The following BMPR2 variants were observed in gnomAD, a reference collection of about 807,000 sequenced individuals.
The protein encoded by BMPR2 is bone morphogenetic protein receptor type-2.
In BMPR2, 29 loss-of-function variants were observed where a neutral mutation model predicts 100.8. The observed-to-expected ratio is 0.29, with a 90% confidence interval of 0.21 to 0.39. The LOEUF (loss-of-function observed/expected upper bound fraction) is 0.39. BMPR2 is among the 10% of genes least tolerant of loss of function. The pLI is 1.00. For synonymous variants in BMPR2, 382 were observed against 442.3 expected, an observed-to-expected ratio of 0.86 and a Z score of 1.71; for missense variants, 1,011 against 1,274.5, an observed-to-expected ratio of 0.79 and a Z score of 3.15.
At chr2:202,466,693 C>A (rs1373363782) in intron 2 of BMPR2, among the ~76,000 whole-genome samples, 1 of 151,206 alleles carries the variant, frequency 6.6e-6, no homozygotes, top group African/African-American at 2.5e-5. Context: ...CTCACTGCAA[C>A]CTTGACCTCC....
At chr2:202,380,965 CT>C (rs1159400445) in intron 1 of BMPR2, among the ~76,000 whole-genome samples, 302 of 70,766 alleles carry the variant, frequency 4.3e-3, no homozygotes, top group African/African-American at 0.013. Flanking sequence ...TTCTTTCTTT[CT>C]TTTTTTTTTT....
intron 3 of BMPR2, among the ~76,000 whole-genome samples, chr2:202,479,065 T>C (rs754220606): frequency 3.3e-5 from 5 of 152,254 alleles, no homozygotes; most frequent in African/African-American, 4.8e-5. Flanking sequence ...GAATGTGAGC[T>C]AGACTTAATA....
intron 11 of BMPR2, among the ~76,000 whole-genome samples, chr2:202,554,312 A>C (rs1297777664): frequency 6.6e-6 from 1 of 151,362 alleles, no homozygotes; most frequent in African/African-American, 2.5e-5. Flanking sequence ...AATGGTAAGA[A>C]AAAAAAACCT....
rs905573563 is a variant in BMPR2, at chr2:202,503,620, G to A, written c.419-10099G>A. The stretch of plus-strand genomic sequence containing the variant: ...GCTGCCTTCCCACAGGGCAGGGCTC[G>A]GGACCTGCAGCCCGCCATGCCTGAG... On this transcript the variant is annotated intron_variant, in intron 3 of 12. Coordinates refer to ENST00000374580, the MANE Select transcript of BMPR2 (RefSeq NM_001204.7). The surrounding 1 kb of genome is among the most constrained non-coding windows in gnomAD (Gnocchi z 4.0). Among the ~76,000 whole-genome samples, 8 of 152,222 alleles carry A rather than the reference G, an allele frequency of 5.3e-5. No individual in the cohort carries two copies. Among genetic ancestry groups the A allele is most frequent in the Admixed American group, 6.5e-5 (1 of 15,286 alleles).
chr2:202,435,102 G>A (rs959572309), intron 1 of BMPR2, among the ~76,000 whole-genome samples: 2 of 145,284 alleles, frequency 1.4e-5, no homozygotes, highest in Admixed American at 6.8e-5. Flanking sequence ...GTTCCTGCCT[G>A]TAATCACAGC....
At chr2:202,428,872 A>G (rs1178323244) in intron 1 of BMPR2, among the ~76,000 whole-genome samples, 2 of 152,082 alleles carry the variant, frequency 1.3e-5, no homozygotes, top group East Asian at 1.9e-4. Context: ...CATATATCTA[A>G]CTGTAAGCCT....
At chr2:202,414,514 C>T (rs1691083230) in intron 1 of BMPR2, among the ~76,000 whole-genome samples, 1 of 152,212 alleles carries the variant, frequency 6.6e-6, no homozygotes, top group African/African-American at 2.4e-5. Context: ...AAAGCCAAGA[C>T]AGGCTGAAAG....
At chr2:202,547,585 C>T (rs1174274512) in intron 10 of BMPR2, among the ~76,000 whole-genome samples, 1 of 151,420 alleles carries the variant, frequency 6.6e-6, no homozygotes, top group Non-Finnish European at 1.5e-5. Flanking sequence ...GAGTTCGAGA[C>T]CAGCCTGGCC....
chr2:202,440,483 C>G (rs903579931), intron 1 of BMPR2, among the ~76,000 whole-genome samples: 13 of 148,348 alleles, frequency 8.8e-5, no homozygotes, highest in Non-Finnish European at 1.8e-4. Flanking sequence ...ACTTCCCAGA[C>G]TGGGCGGCCA....
At chr2:202,381,511 C>A (rs1416199170) in intron 1 of BMPR2, among the ~76,000 whole-genome samples, 2 of 152,188 alleles carry the variant, frequency 1.3e-5, no homozygotes, top group Admixed American at 6.6e-5. Flanking sequence ...CTCCTAACAT[C>A]CCATTGGCTG....
chr2:202,469,477 TTTTA>T (rs1305567881), intron 3 of BMPR2: 9 of 310,768 alleles, frequency 2.9e-5, no homozygotes, highest in Admixed American at 7.0e-5. Flanking sequence ...TTTATTTTTA[TTTTA>T]TTTATTTATT....
At chr2:202,543,319 G>A (rs909027031) in intron 10 of BMPR2, among the ~76,000 whole-genome samples, 23 of 143,062 alleles carry the variant, frequency 1.6e-4, no homozygotes, top group African/African-American at 5.2e-4. Context: ...TGCCATTTGA[G>A]TAAGTTGTTG....
intron 3 of BMPR2, among the ~76,000 whole-genome samples, chr2:202,499,118 G>T (rs904260564): frequency 6.6e-6 from 1 of 152,140 alleles, no homozygotes; most frequent in Admixed American, 6.6e-5. Flanking sequence ...AGGGGAATTT[G>T]GCCCAACCTG....
chr2:202,421,397 A>T (rs959705096), intron 1 of BMPR2, among the ~76,000 whole-genome samples: 5 of 151,672 alleles, frequency 3.3e-5, no homozygotes, highest in African/African-American at 1.2e-4. Context: ...CTTCTCCAGA[A>T]ATTTAACTTT....
intron 1 of BMPR2, among the ~76,000 whole-genome samples, chr2:202,452,543 G>C (rs1001563818): frequency 2.6e-5 from 4 of 152,138 alleles, no homozygotes; most frequent in Admixed American, 2.0e-4. Context: ...CAACTATCCA[G>C]AGACCAAGGC....
intron 1 of BMPR2, among the ~76,000 whole-genome samples, chr2:202,379,393 T>C (rs1446435604): frequency 1.3e-5 from 2 of 152,218 alleles, no homozygotes; most frequent in African/African-American, 2.4e-5. Context: ...GCCAGGATTA[T>C]AGTGTGCGCC....
chr2:202,497,306 C>T (rs1416170497), intron 3 of BMPR2, among the ~76,000 whole-genome samples: 3 of 152,218 alleles, frequency 2.0e-5, no homozygotes, highest in Non-Finnish European at 4.4e-5. Flanking sequence ...GTGAGAGCAT[C>T]ACCTATCCGC....
chr2:202,530,597 A>AT (rs1688003321), intron 7 of BMPR2, among the ~76,000 whole-genome samples, 197 bp from the exon 8 acceptor site: 1 of 152,234 alleles, frequency 6.6e-6, no homozygotes, highest in Non-Finnish European at 1.5e-5. Flanking sequence ...ATGTTTAACT[A>AT]TACATGCAAC....
At chr2:202,377,576 C>G (rs772083943) in intron 1 of BMPR2, 26 bp downstream of exon 1, 20 of 1,612,896 alleles carry the variant, frequency 1.2e-5, no homozygotes, top group Admixed American at 5.0e-5. Flanking sequence ...CGGCACGTCC[C>G]GGCCACTGCC....
Sources: gnomAD v4.1 joint callset for allele counts (sites outside exome capture counted in the v4.1 genomes callset) on GRCh38, gnomAD v4.1.1 for gene constraint, Gnocchi (gnomAD v3.1) non-coding constraint, MANE v1.5 for transcripts, NCBI Gene and HGNC (gene_info 2026-07-23, HGNC 2026-07-21) for gene names.